The following CORO1C variants were observed in gnomAD, a reference collection of about 807,000 sequenced individuals.
CORO1C encodes the protein coronin 1C, also known as coronin-1C.
Under a neutral mutation model 51.2 loss-of-function variants are expected in CORO1C, and 14 were observed. The ratio of observed to expected loss-of-function variants is 0.27; its 90% CI spans 0.18 to 0.43. The LOEUF is 0.43. CORO1C is among the 20% of genes least tolerant of loss of function. CORO1C has a pLI of 1.00. For synonymous variants in CORO1C, 181 were observed against 210.5 expected (o/e 0.86, Z 1.21); for missense variants, 417 against 607.8 (o/e 0.69, Z 3.30).
At chr12:108,662,262 C>T (rs374440874) in intron 3 of CORO1C, 104 bp from the exon 4 acceptor site, 123 of 952,538 alleles carry the variant, frequency 1.3e-4, no homozygotes, top group African/African-American at 6.9e-4. Flanking sequence ...GTAAACAGAA[C>T]ATAGAGTGAT....
rs747208725 is a variant in CORO1C, at chr12:108,678,378, T to A, written c.212A>T (p.Lys71Ile). 1 of 1,592,934 alleles carries A rather than the reference T, an allele frequency of 6.3e-7. No individual in the cohort carries two copies. Among genetic ancestry groups the A allele is most frequent in the South Asian group, 1.1e-5 (1 of 88,310 alleles). Residue 71 changes from lysine to isoleucine, a missense_variant, in exon 3 of 11, where the codon AAA becomes ATA. Coordinates refer to ENST00000261401, the MANE Select transcript of CORO1C (RefSeq NM_014325.4). The stretch of plus-strand genomic sequence containing the variant: ...GTGGCCACATACTGTAGGGTAAGAT[T>A]TGTCAATTCGACCAGTCTGAAAGAA... ...LPLHKTGRID[K>I]SYPTVCGHTG...
At chr12:108,676,291 G>A (rs1016004128) in intron 3 of CORO1C, among the ~76,000 whole-genome samples, 14 of 152,136 alleles carry the variant, frequency 9.2e-5, no homozygotes, top group Admixed American at 2.6e-4. Flanking sequence ...CATGGTGTTC[G>A]CTATGTCATA....
At chr12:108,712,808 A>C (rs1017534901) in intron 1 of CORO1C, among the ~76,000 whole-genome samples, 1 of 151,208 alleles carries the variant, frequency 6.6e-6, no homozygotes, top group Non-Finnish European at 1.5e-5. Context: ...ATAATGAGGC[A>C]CTGTCTCTAA....
chr12:108,683,807 GGTGA>G lies in CORO1C; in HGVS notation c.196-5417_196-5414del, dbSNP rs555614663. 6.3e-3 allele frequency among the ~76,000 whole-genome samples: 966 copies of G among 152,218 alleles called. 6 individuals carry two copies. Among genetic ancestry groups the G allele is most frequent in the Non-Finnish European group, 1.0e-2 (678 of 68,010 alleles). On this transcript the variant is annotated intron_variant, in intron 2 of 10. Transcript: ENST00000261401. ...AACACTAGGCCCAGATGGTTTTACAGGTGAGTGTCACCAAATATTCAAGGAAGAG... is the reference window on the plus strand; with the variant it reads ...AACACTAGGCCCAGATGGTTTTACAGGTGTCACCAAATATTCAAGGAAGAG...
At chr12:108,681,995 T>C (rs2034139024) in intron 2 of CORO1C, among the ~76,000 whole-genome samples, 1 of 147,594 alleles carries the variant, frequency 6.8e-6, no homozygotes, top group Admixed American at 6.8e-5. Flanking sequence ...AATAAAGATA[T>C]CCAAATGCAG....
At chr12:108,696,407 G>A (rs1311970613) in intron 2 of CORO1C, 1 of 148,620 alleles carries the variant, frequency 6.7e-6, no homozygotes, top group Non-Finnish European at 1.5e-5. Context: ...AAGTGTGTCG[G>A]GGGGAGGGAG....
At chr12:108,665,697 A>G (rs1280199087) in intron 3 of CORO1C, among the ~76,000 whole-genome samples, 1 of 152,198 alleles carries the variant, frequency 6.6e-6, no homozygotes, top group Non-Finnish European at 1.5e-5. Flanking sequence ...TGCTAAGAGA[A>G]TTAAGGAATT....
chr12:108,680,440 T>C (rs906206448), intron 2 of CORO1C, among the ~76,000 whole-genome samples: 11 of 152,208 alleles, frequency 7.2e-5, no homozygotes, highest in Non-Finnish European at 1.6e-4. Flanking sequence ...CCATATCATA[T>C]AGAATCTGGG....
intron 1 of CORO1C, among the ~76,000 whole-genome samples, chr12:108,718,345 G>A (rs1387145019): frequency 1.3e-5 from 2 of 150,736 alleles, no homozygotes; most frequent in Admixed American, 1.3e-4. Context: ...TCCAGCCTGG[G>A]CGACAAGAGT....
intron 2 of CORO1C, among the ~76,000 whole-genome samples, chr12:108,691,954 T>A (rs1056054398): frequency 6.6e-6 from 1 of 152,202 alleles, no homozygotes; most frequent in African/African-American, 2.4e-5. Context: ...GCCAGGACTT[T>A]GTGCTCCATT....
intron 2 of CORO1C, among the ~76,000 whole-genome samples, chr12:108,697,480 C>G (rs745311450): frequency 3.3e-5 from 5 of 152,182 alleles, no homozygotes; most frequent in Non-Finnish European, 5.9e-5. Context: ...TGATTTCAAA[C>G]ATAACTTCAT....
rs1386976906 is a variant in CORO1C at position 108,658,342 on chromosome 12, G to A, written c.630+396C>T. The stretch of plus-strand genomic sequence containing the variant: ...ATTACAAGTGTGAGCCACCATGCCC[G>A]GCCACCTGTTGCATCTTTAACAGCT... On this transcript the variant is annotated intron_variant, in intron 5 of 10. Coordinates refer to ENST00000261401, the MANE Select transcript of CORO1C (RefSeq NM_014325.4). This position sits in a 1 kb window ranked among gnomAD's most constrained non-coding sequence, Gnocchi z 4.9. 2.6e-5 allele frequency among the ~76,000 whole-genome samples: 4 copies of A among 152,036 alleles called. No homozygotes were observed. Among genetic ancestry groups the A allele is most frequent in the East Asian group, 1.9e-4 (1 of 5,192 alleles).
At chr12:108,692,431 C>G (rs984359280) in intron 2 of CORO1C, among the ~76,000 whole-genome samples, 1 of 152,234 alleles carries the variant, frequency 6.6e-6, no homozygotes, top group East Asian at 1.9e-4. Context: ...AATTGCCTGT[C>G]AGCAATGCAC....
chr12:108,668,569 A>C (rs2033587549), intron 3 of CORO1C: 1 of 152,248 alleles, frequency 6.6e-6, no homozygotes, highest in Non-Finnish European at 1.5e-5. Flanking sequence ...TGGATTAGAT[A>C]GGGTATTTTT....
At chr12:108,685,886 G>A (rs2034277998) in intron 2 of CORO1C, among the ~76,000 whole-genome samples, 1 of 152,094 alleles carries the variant, frequency 6.6e-6, no homozygotes, top group Admixed American at 6.6e-5. Context: ...CATGCTGGAT[G>A]TTCACAAACA....
intron 4 of CORO1C, among the ~76,000 whole-genome samples, chr12:108,660,508 G>A (rs2033216635): frequency 6.8e-6 from 1 of 147,938 alleles, no homozygotes; most frequent in African/African-American, 2.5e-5. Context: ...CTACACAACA[G>A]TAACAAAAGT....
At chr12:108,655,949 G>A (rs1268617996) in intron 6 of CORO1C, among the ~76,000 whole-genome samples, 4 of 150,928 alleles carry the variant, frequency 2.7e-5, no homozygotes, top group East Asian at 2.0e-4. Context: ...GTCTCTGCCC[G>A]GCCGCCCATC....
intron 2 of CORO1C, among the ~76,000 whole-genome samples, chr12:108,687,193 G>C (rs570025984): frequency 3.3e-5 from 5 of 152,278 alleles, no homozygotes; most frequent in African/African-American, 1.2e-4. Flanking sequence ...GTAAGCATCA[G>C]TAAAAATATA....
At chr12:108,725,470 A>G (rs1311866155) in intron 1 of CORO1C, among the ~76,000 whole-genome samples, 1 of 152,202 alleles carries the variant, frequency 6.6e-6, no homozygotes, top group Non-Finnish European at 1.5e-5. Context: ...GCATCTCCAC[A>G]CTACAGAGGA....
Sources: gnomAD v4.1 joint callset for allele counts (sites outside exome capture counted in the v4.1 genomes callset) on GRCh38, gnomAD v4.1.1 for gene constraint, Gnocchi (gnomAD v3.1) non-coding constraint, MANE v1.5 for transcripts, NCBI Gene and HGNC (gene_info 2026-07-23, HGNC 2026-07-21) for gene names.